PTPRD: variants seen among roughly 807,000 people sequenced by gnomAD.
The protein encoded by PTPRD is protein tyrosine phosphatase receptor type D.
In PTPRD, 34 loss-of-function variants were observed where a neutral mutation model predicts 214.5. The observed-to-expected ratio is 0.16, with a 90% CI of 0.12 to 0.21. PTPRD has a LOEUF of 0.21. Ranked by LOEUF, PTPRD falls within the 10% of genes least tolerant of loss-of-function variation. The probability of loss-of-function intolerance (pLI) is 1.00; values close to 1 mark genes in which losing one functional copy is unlikely to be tolerated. For missense variants in PTPRD, 2,545 were observed against 2,398.7 expected (o/e 1.06, Z -1.27); for synonymous variants, 1,128 against 845.7 (o/e 1.33, Z -5.79).
At chr9:8,870,928 C>T (rs1195861591) in intron 11 of PTPRD, among the ~76,000 whole-genome samples, 2 of 152,168 alleles carry the variant, frequency 1.3e-5, no homozygotes, top group Non-Finnish European at 2.9e-5. Context: ...TATCCTTGGG[C>T]ATCCAAAAGG....
intron 35 of PTPRD, among the ~76,000 whole-genome samples, chr9:8,417,085 C>G (rs1305375094): frequency 6.6e-6 from 1 of 151,922 alleles, no homozygotes; most frequent in Admixed American, 6.6e-5. Flanking sequence ...CACCAGATAC[C>G]TCTGCCAATT....
intron 9 of PTPRD, among the ~76,000 whole-genome samples, chr9:9,214,033 A>T (rs865962079): frequency 3.9e-5 from 6 of 152,316 alleles, no homozygotes; most frequent in Middle Eastern, 6.8e-3. Flanking sequence ...AAATGTAAAC[A>T]TGTTCCAGTG....
intron 7 of PTPRD, among the ~76,000 whole-genome samples, chr9:9,603,714 T>A (rs922294985): frequency 2.0e-5 from 3 of 152,048 alleles, no homozygotes; most frequent in African/African-American, 7.2e-5. Flanking sequence ...CCAGAAACTA[T>A]CCCCACCATG....
chr9:8,476,748 T>C (rs1474586323), intron 30 of PTPRD, among the ~76,000 whole-genome samples: 2 of 152,200 alleles, frequency 1.3e-5, no homozygotes, highest in African/African-American at 2.4e-5. Flanking sequence ...TATTTTATCA[T>C]GGAATTATTC....
At chr9:8,590,950 G>A (rs1266105107) in intron 14 of PTPRD, among the ~76,000 whole-genome samples, 4 of 152,154 alleles carry the variant, frequency 2.6e-5, no homozygotes, top group African/African-American at 9.7e-5. Context: ...GATGTTAGCA[G>A]TCCTTTATGG....
chr9:9,479,609 T>G (rs1019189853), intron 8 of PTPRD, among the ~76,000 whole-genome samples: 5 of 152,098 alleles, frequency 3.3e-5, no homozygotes, highest in Admixed American at 2.6e-4. Context: ...CACCAACACT[T>G]TTAAGTATTA....
chr9:8,406,840 C>G (rs552704428), intron 35 of PTPRD, among the ~76,000 whole-genome samples: 173 of 152,270 alleles, frequency 1.1e-3, no homozygotes, highest in African/African-American at 4.1e-3. Flanking sequence ...TGCTATTCCA[C>G]TTTATACTGA....
intron 10 of PTPRD, among the ~76,000 whole-genome samples, chr9:9,181,166 T>C (rs575924400): frequency 6.6e-6 from 1 of 152,020 alleles, no homozygotes; most frequent in Non-Finnish European, 1.5e-5. Context: ...AAGCCATTCC[T>C]TTTCTGCTTG....
chr9:10,195,941 T>C (rs919219238), intron 3 of PTPRD, among the ~76,000 whole-genome samples: 4 of 152,178 alleles, frequency 2.6e-5, no homozygotes, highest in South Asian at 2.1e-4. Flanking sequence ...TACTACTTTG[T>C]TGAAAAGGCA....
rs35445219 is a variant in PTPRD at position 9,970,429 on chromosome 9, CAAAAAA to C, written c.-471-31825_-471-31820del. On this transcript the variant is annotated intron_variant, in intron 4 of 45. Transcript: ENST00000381196. ...CCTGGGCGACAGCGAGACTCCTTCT[CAAAAAA>C]AAAAAAAAGAAAAAGAAAAAGAAAA... 1.0e-3 allele frequency among the ~76,000 whole-genome samples: 94 copies of C among 92,156 alleles called. 1 individual carries two copies. In the South Asian group the frequency reaches 0.026, roughly 26 times the overall value. 60.5% of individuals were successfully genotyped at this position (92,156 alleles called of 152,430 possible). A position where few individuals can be genotyped will look rare whatever the true frequency, so the allele number is the denominator to read the frequency against.
At chr9:9,833,365 G>T (rs911496860) in intron 5 of PTPRD, among the ~76,000 whole-genome samples, 1 of 151,942 alleles carries the variant, frequency 6.6e-6, no homozygotes, top group African/African-American at 2.4e-5. Flanking sequence ...AGTTTCAAAA[G>T]GGGAGGGAGT....
chr9:9,967,349 T>C (rs547114157), intron 4 of PTPRD, among the ~76,000 whole-genome samples: 2 of 152,110 alleles, frequency 1.3e-5, no homozygotes, highest in Non-Finnish European at 1.5e-5. Context: ...CAACTAGAAT[T>C]TATGCCAAGT....
chr9:9,659,952 C>T (rs1355272435), intron 7 of PTPRD, among the ~76,000 whole-genome samples: 1 of 151,998 alleles, frequency 6.6e-6, no homozygotes, highest in East Asian at 1.9e-4. Flanking sequence ...CTCATGATTA[C>T]ATATATTACT....
intron 5 of PTPRD, among the ~76,000 whole-genome samples, chr9:9,927,159 T>C (rs1000664478): frequency 6.6e-6 from 1 of 152,162 alleles, no homozygotes; most frequent in Non-Finnish European, 1.5e-5. Flanking sequence ...TATTTCTATA[T>C]TAGAATATTT....
At chr9:10,412,068 T>C (rs531924179) in intron 2 of PTPRD, among the ~76,000 whole-genome samples, 8 of 151,922 alleles carry the variant, frequency 5.3e-5, no homozygotes, top group Non-Finnish European at 1.2e-4. Context: ...CATTTCATGA[T>C]AAATTCTATT....
intron 5 of PTPRD, among the ~76,000 whole-genome samples, chr9:9,862,373 A>G (rs1307290440): frequency 1.3e-5 from 2 of 152,254 alleles, no homozygotes; most frequent in African/African-American, 4.8e-5. Flanking sequence ...CACAGGAACT[A>G]ACTGCTGTAA....
chr9:10,094,757 G>A (rs2098466500), intron 3 of PTPRD, among the ~76,000 whole-genome samples: 1 of 151,352 alleles, frequency 6.6e-6, no homozygotes, highest in African/African-American at 2.4e-5. Context: ...AAATACTGCT[G>A]TGATGACAGT....
chr9:9,039,555 G>A (rs1308425869), intron 10 of PTPRD, among the ~76,000 whole-genome samples: 1 of 152,136 alleles, frequency 6.6e-6, no homozygotes, highest in African/African-American at 2.4e-5. Context: ...TTTACATGCT[G>A]TCTACACCTT....
At chr9:8,651,341 G>A (rs1443707483) in intron 12 of PTPRD, among the ~76,000 whole-genome samples, 1 of 152,110 alleles carries the variant, frequency 6.6e-6, no homozygotes, top group African/African-American at 2.4e-5. Flanking sequence ...GGCTCTGAAG[G>A]CATGTACAAG....
Sources: allele counts gnomAD v4.1 joint callset (sites outside exome capture counted in the v4.1 genomes callset), GRCh38; gene constraint gnomAD v4.1.1; transcripts MANE v1.5; gene names NCBI Gene and HGNC (gene_info 2026-07-23, HGNC 2026-07-21).